The following SLC6A2 variants were observed in gnomAD, a reference collection of about 807,000 sequenced individuals.
SLC6A2 encodes the protein sodium-dependent noradrenaline transporter.
SLC6A2 carries 26 observed loss-of-function variants against 71.7 expected under a neutral mutation model. The observed-to-expected ratio is 0.36, with a 90% CI of 0.27 to 0.50. SLC6A2 has a LOEUF of 0.50. Among genes scored for constraint, SLC6A2 ranks in the 20% least tolerant of loss-of-function variants. SLC6A2 has a pLI of 0.96. For missense variants in SLC6A2, 581 were observed against 803.9 expected (o/e 0.72, Z 3.35); for synonymous variants, 363 against 337.9 (o/e 1.07, Z -0.82).
intron 9 of SLC6A2, among the ~76,000 whole-genome samples, chr16:55,697,123 T>C (rs1196216954): frequency 1.3e-5 from 2 of 152,222 alleles, no homozygotes; most frequent in Non-Finnish European, 2.9e-5. Context: ...ACCTCATGCC[T>C]GGACATTTGC....
At chr16:55,663,051 G>A (rs1427723187) in intron 2 of SLC6A2, among the ~76,000 whole-genome samples, 2 of 152,140 alleles carry the variant, frequency 1.3e-5, no homozygotes, top group East Asian at 1.9e-4. Flanking sequence ...TTCCTATAAT[G>A]AGCCCCAGGT....
chr16:55,692,148 A>G (rs1412026600), intron 6 of SLC6A2, 96 bp downstream of exon 6: 9 of 1,380,690 alleles, frequency 6.5e-6, no homozygotes, highest in Non-Finnish European at 5.1e-6. Flanking sequence ...CTCTGCCACA[A>G]ATGTGCAGTG....
chr16:55,703,550 T>C lies in SLC6A2; in HGVS notation c.*1204T>C. 3.0e-6 allele frequency: 3 copies of C among 985,450 alleles called. No homozygotes were observed. The highest frequency in any genetic ancestry group is 3.6e-6 in the Non-Finnish European group (3 of 829,954). 61.0% of individuals were successfully genotyped at this position (985,450 alleles called of 1,614,324 possible). The stretch of plus-strand genomic sequence containing the variant: ...TGGTGGTTTCAGAGAATTTCTAGGT[T>C]TCTACTTGGATCTACTTCTGATACA... On this transcript the variant is annotated 3_prime_UTR_variant, in exon 15 of 15. Coordinates refer to ENST00000568943, the MANE Select transcript of SLC6A2 (RefSeq NM_001172501.3).
chr16:55,695,727 A>G (rs1965776878), intron 8 of SLC6A2, among the ~76,000 whole-genome samples: 1 of 152,102 alleles, frequency 6.6e-6, no homozygotes. Context: ...GTGTCAATAG[A>G]CTCACTTTAC....
intron 5 of SLC6A2, among the ~76,000 whole-genome samples, chr16:55,687,961 A>G (rs1388967437): frequency 6.6e-6 from 1 of 152,184 alleles, no homozygotes; most frequent in Admixed American, 6.5e-5. Flanking sequence ...GTAGAAACAC[A>G]ATGAGAGAGG....
chr16:55,676,305 A>G (rs1291129850), intron 4 of SLC6A2, among the ~76,000 whole-genome samples: 2 of 152,174 alleles, frequency 1.3e-5, no homozygotes, highest in Non-Finnish European at 2.9e-5. Context: ...TACCATGTGT[A>G]TGAGGTTTTC....
chr16:55,667,507 C>G (rs145393017), intron 2 of SLC6A2, among the ~76,000 whole-genome samples: 3,148 of 152,332 alleles, frequency 0.021, 32 homozygotes, highest in Middle Eastern at 0.078. Flanking sequence ...ACCCCACTGC[C>G]TACCTCCATC....
At chr16:55,659,476 G>T (rs367619591) in intron 2 of SLC6A2, among the ~76,000 whole-genome samples, 3 of 152,098 alleles carry the variant, frequency 2.0e-5, no homozygotes, top group Non-Finnish European at 4.4e-5. Flanking sequence ...ACTTTCTCCC[G>T]GGCTTGCTAT....
At chr16:55,671,616 A>C (rs543048303) in intron 3 of SLC6A2, 2 of 523,960 alleles carry the variant, frequency 3.8e-6, no homozygotes, top group Non-Finnish European at 6.7e-6. Context: ...CAGCCGCTGC[A>C]CTAGATTCTC....
At chr16:55,693,625 C>G (rs944357207) in intron 6 of SLC6A2, among the ~76,000 whole-genome samples, 7 of 152,226 alleles carry the variant, frequency 4.6e-5, no homozygotes, top group Admixed American at 3.3e-4. Context: ...TAGGAATGGT[C>G]CTCGCTTTCT....
chr16:55,676,613 T>C (rs986980053), intron 4 of SLC6A2, among the ~76,000 whole-genome samples: 2 of 152,240 alleles, frequency 1.3e-5, no homozygotes, highest in African/African-American at 4.8e-5. Flanking sequence ...AACCTCTGTG[T>C]TATGTTGGCC....
chr16:55,695,532 C>G, intron 8 of SLC6A2, 130 bp downstream of exon 8: 1 of 1,010,578 alleles, frequency 9.9e-7, no homozygotes, highest in South Asian at 1.4e-5. Context: ...CCAAACCACC[C>G]ATGTGATTGA....
chr16:55,684,909 G>T (rs1173154170), intron 4 of SLC6A2, among the ~76,000 whole-genome samples: 1 of 152,184 alleles, frequency 6.6e-6, no homozygotes, highest in Non-Finnish European at 1.5e-5. Flanking sequence ...CATGAGCGTG[G>T]AATCTCCCCA....
intron 7 of SLC6A2, 98 bp from the exon 8 acceptor site, chr16:55,695,180 G>A (rs1021481286): frequency 7.6e-5 from 111 of 1,467,776 alleles, no homozygotes; most frequent in Non-Finnish European, 1.0e-4. Context: ...TGGCCTTTGA[G>A]GCTGGGGCCA....
chr16:55,677,922 A>G (rs1399018866), intron 4 of SLC6A2, among the ~76,000 whole-genome samples: 1 of 152,122 alleles, frequency 6.6e-6, no homozygotes, highest in Non-Finnish European at 1.5e-5. Flanking sequence ...CCATCTCCCA[A>G]AGTGATGGGA....
intron 4 of SLC6A2, among the ~76,000 whole-genome samples, chr16:55,679,232 CT>C (rs761114218): frequency 2.0e-3 from 286 of 144,536 alleles, no homozygotes; most frequent in East Asian, 4.4e-3. Flanking sequence ...TTTTCTTTTT[CT>C]TTTTTTTTTT....
chr16:55,695,251 T>C, intron 7 of SLC6A2, 27 bp from the exon 8 acceptor site: 2 of 1,613,892 alleles, frequency 1.2e-6, no homozygotes, highest in South Asian at 1.1e-5. Context: ...GTCAAGGGAC[T>C]TGACCTCACT....
intron 2 of SLC6A2, among the ~76,000 whole-genome samples, chr16:55,663,851 C>T (rs1964675808): frequency 6.6e-6 from 1 of 152,060 alleles, no homozygotes; most frequent in Admixed American, 6.6e-5. Flanking sequence ...CTGGCAGTAA[C>T]AAAATTCTCT....
chr16:55,702,007 C>T lies in SLC6A2; in HGVS notation c.1830+73C>T. On this transcript the variant is annotated intron_variant, in intron 14 of 14. Coordinates refer to ENST00000568943, the MANE Select transcript of SLC6A2 (RefSeq NM_001172501.3). ...TGGCTGTTCCCTGCTGTGCACTGCC[C>T]AAGGCTAGACATCACATCCAGAAAA... 8.0e-6 allele frequency: 9 copies of T among 1,124,058 alleles called. No homozygotes were observed. The South Asian group carries it at 1.1e-4, about 14-fold the overall frequency. The allele number at this position is 1,124,058 out of a possible 1,614,324, so 69.6% of individuals were successfully genotyped here.
Sources: gnomAD v4.1 joint callset for allele counts (sites outside exome capture counted in the v4.1 genomes callset) on GRCh38, gnomAD v4.1.1 for gene constraint, MANE v1.5 for transcripts, NCBI Gene and HGNC (gene_info 2026-07-23, HGNC 2026-07-21) for gene names.